CCDC60: variants seen among roughly 807,000 people sequenced by gnomAD.
The protein encoded by CCDC60 is coiled-coil domain-containing protein 60.
Under a neutral mutation model 63.5 loss-of-function variants are expected in CCDC60, and 54 were observed. The ratio of observed to expected loss-of-function variants is 0.85; its 90% confidence interval spans 0.68 to 1.07. CCDC60 has a LOEUF of 1.07. Ranked by LOEUF, CCDC60 falls within the 50% of genes least tolerant of loss-of-function variation. CCDC60 has a pLI of 0.00. For missense variants in CCDC60, 651 were observed against 684.3 expected (o/e 0.95, Z 0.54); for synonymous variants, 206 against 238.8 (o/e 0.86, Z 1.27).
At chr12:119,537,925 C>A (rs1953052130) in intron 13 of CCDC60, among the ~76,000 whole-genome samples, 1 of 152,220 alleles carries the variant, frequency 6.6e-6, no homozygotes, top group African/African-American at 2.4e-5. Flanking sequence ...AAACATCATG[C>A]TGGGAGAACC....
chr12:119,521,797 G>A (rs1952537122), intron 9 of CCDC60, among the ~76,000 whole-genome samples: 1 of 152,186 alleles, frequency 6.6e-6, no homozygotes, highest in Non-Finnish European at 1.5e-5. Context: ...CCATCTACAG[G>A]AGGAAGGTCA....
chr12:119,347,572 C>T (rs971788316), intron 1 of CCDC60, among the ~76,000 whole-genome samples: 1 of 152,296 alleles, frequency 6.6e-6, no homozygotes, highest in East Asian at 1.9e-4. Context: ...TCAATATTCT[C>T]GTCTCTATTC....
chr12:119,532,396 C>T (rs1952870424), intron 13 of CCDC60, among the ~76,000 whole-genome samples: 1 of 142,332 alleles, frequency 7.0e-6, no homozygotes, highest in African/African-American at 2.6e-5. Flanking sequence ...CATCACAGAA[C>T]TATTATTATT....
intron 1 of CCDC60, among the ~76,000 whole-genome samples, chr12:119,415,396 G>A (rs1956681247): frequency 6.6e-6 from 1 of 152,254 alleles, no homozygotes; most frequent in Non-Finnish European, 1.5e-5. Flanking sequence ...AGACCATAGA[G>A]ATCAGGACAG....
chr12:119,476,181 T>C (rs1335908492), intron 3 of CCDC60, among the ~76,000 whole-genome samples: 1 of 152,206 alleles, frequency 6.6e-6, no homozygotes, highest in Non-Finnish European at 1.5e-5. Context: ...CAAAGATTTC[T>C]GCCTGCAAGC....
chr12:119,369,409 G>GA (rs1031843039), intron 1 of CCDC60, among the ~76,000 whole-genome samples: 1 of 152,136 alleles, frequency 6.6e-6, no homozygotes, highest in Non-Finnish European at 1.5e-5. Context: ...TATTGGGTTA[G>GA]AAAAAACACT....
intron 1 of CCDC60, among the ~76,000 whole-genome samples, chr12:119,367,178 C>T (rs1162508404): frequency 1.3e-5 from 2 of 152,158 alleles, no homozygotes; most frequent in East Asian, 1.9e-4. Context: ...CAATTCTAAC[C>T]ACTTTTCCAC....
intron 1 of CCDC60, among the ~76,000 whole-genome samples, chr12:119,343,730 C>T (rs929634946): frequency 6.6e-6 from 1 of 150,682 alleles, no homozygotes; most frequent in African/African-American, 2.5e-5. Flanking sequence ...CATGGAAAGA[C>T]AGGTGCAGTG....
intron 1 of CCDC60, among the ~76,000 whole-genome samples, chr12:119,418,475 C>A (rs549143586): frequency 7.6e-6 from 1 of 131,770 alleles, no homozygotes; most frequent in Non-Finnish European, 1.5e-5. Context: ...AGTGCAGTGG[C>A]GCAATCTCAG....
intron 2 of CCDC60, among the ~76,000 whole-genome samples, chr12:119,455,306 C>T (rs1234738990): frequency 6.6e-6 from 1 of 152,130 alleles, no homozygotes; most frequent in East Asian, 1.9e-4. Flanking sequence ...CTTCTACATG[C>T]CAGAGTCTTA....
At chr12:119,507,608 A>ATG (rs1483859938) in intron 7 of CCDC60, among the ~76,000 whole-genome samples, 16 of 27,572 alleles carry the variant, frequency 5.8e-4, no homozygotes, top group Non-Finnish European at 9.3e-4. Context: ...ATATATATAT[A>ATG]TATATATTTT....
chr12:119,535,578 T>G (rs10219632), intron 13 of CCDC60, among the ~76,000 whole-genome samples: 19,900 of 152,220 alleles, frequency 0.13, 1,357 homozygotes, highest in East Asian at 0.24. Context: ...CTCTACACAC[T>G]GCTTTAAGTG....
chr12:119,433,454 A>C (rs1412054336), intron 2 of CCDC60: 2 of 702,370 alleles, frequency 2.8e-6, no homozygotes, highest in Non-Finnish European at 2.6e-6. Flanking sequence ...AGCAAGCAAG[A>C]AAGAAACGAC....
At chr12:119,486,691 C>G (rs946446567) in intron 4 of CCDC60, among the ~76,000 whole-genome samples, 4 of 152,084 alleles carry the variant, frequency 2.6e-5, no homozygotes, top group African/African-American at 9.7e-5. Flanking sequence ...TACAGCCACC[C>G]TAGTACACAG....
chr12:119,463,470 C>T (rs916519993), intron 2 of CCDC60, among the ~76,000 whole-genome samples: 7 of 152,230 alleles, frequency 4.6e-5, no homozygotes, highest in African/African-American at 9.6e-5. Flanking sequence ...GTGACCTTGT[C>T]TTTCCTGACC....
At chr12:119,389,128 G>A (rs1956110630) in intron 1 of CCDC60, among the ~76,000 whole-genome samples, 1 of 152,200 alleles carries the variant, frequency 6.6e-6, no homozygotes, top group Admixed American at 6.5e-5. Context: ...CAGTTCAGAA[G>A]GGACAAGAAA....
At chr12:119,467,747 T>C (rs2136318429) in intron 2 of CCDC60, among the ~76,000 whole-genome samples, 1 of 152,362 alleles carries the variant, frequency 6.6e-6, no homozygotes, top group African/African-American at 2.4e-5. Flanking sequence ...TGCTGTCACA[T>C]CAGTCTCACC....
chr12:119,531,870 C>T (rs1183245129), intron 13 of CCDC60, among the ~76,000 whole-genome samples: 1 of 152,222 alleles, frequency 6.6e-6, no homozygotes, highest in African/African-American at 2.4e-5. Flanking sequence ...AAGGACTCCA[C>T]AGTAAGGTGT....
chr12:119,539,860 G>A (rs1481834448), intron 13 of CCDC60, among the ~76,000 whole-genome samples: 1 of 152,238 alleles, frequency 6.6e-6, no homozygotes, highest in Admixed American at 6.5e-5. Context: ...GAGACCATGG[G>A]AAAAGCGTAG....
Sources: gnomAD v4.1 joint callset for allele counts (sites outside exome capture counted in the v4.1 genomes callset) on GRCh38, gnomAD v4.1.1 for gene constraint, MANE v1.5 for transcripts, NCBI Gene and HGNC (gene_info 2026-07-23, HGNC 2026-07-21) for gene names.